RHOBTB1: variants seen among roughly 807,000 people sequenced by gnomAD.
RHOBTB1 encodes rho-related BTB domain-containing protein 1.
RHOBTB1 carries 40 observed loss-of-function variants against 71.6 expected under a neutral mutation model. The ratio of observed to expected loss-of-function variants is 0.56; its 90% CI spans 0.43 to 0.73. The LOEUF (loss-of-function observed/expected upper bound fraction) is 0.73. RHOBTB1 is among the 30% of genes least tolerant of loss of function. RHOBTB1 has a pLI of 0.00. For missense variants in RHOBTB1, 797 were observed against 894.0 expected (o/e 0.89, Z 1.38); for synonymous variants, 319 against 334.9 (o/e 0.95, Z 0.52).
At chr10:60,861,066 A>T in the RHOBTB1 span, among the ~76,000 whole-genome samples, 21 of 152,208 alleles carry the variant, frequency 1.4e-4, no homozygotes, top group African/African-American at 5.1e-4. Flanking sequence ...TATGATCACC[A>T]GGCTTCCCAA....
At chr10:60,924,577 T>C (rs748180516) in intron 2 of RHOBTB1, among the ~76,000 whole-genome samples, 1 of 152,096 alleles carries the variant, frequency 6.6e-6, no homozygotes, top group Non-Finnish European at 1.5e-5. Flanking sequence ...CCTTCAGCAT[T>C]GGAAAGATCA....
intron 2 of RHOBTB1, among the ~76,000 whole-genome samples, chr10:60,984,252 G>A (rs952039520): frequency 6.6e-6 from 1 of 151,998 alleles, no homozygotes; most frequent in African/African-American, 2.4e-5. Flanking sequence ...TTAAGTTAAC[G>A]GAAACATTAG....
chr10:60,875,067 G>C, intron 8 of RHOBTB1, 25 bp from the exon 9 acceptor site: 1 of 1,595,688 alleles, frequency 6.3e-7, no homozygotes, highest in Non-Finnish European at 8.6e-7. Flanking sequence ...GGGGGCAGGA[G>C]AACATTAAAC....
At chr10:60,971,101 A>G (rs1262689102) in intron 2 of RHOBTB1, among the ~76,000 whole-genome samples, 2 of 152,090 alleles carry the variant, frequency 1.3e-5, no homozygotes, top group South Asian at 4.1e-4. Context: ...ATTAATAATA[A>G]TAACATGAGC....
intron 7 of RHOBTB1, among the ~76,000 whole-genome samples, chr10:60,882,130 T>C (rs908915977): frequency 6.6e-6 from 1 of 151,734 alleles, no homozygotes; most frequent in African/African-American, 2.4e-5. Flanking sequence ...TTAAAAATAA[T>C]ATAAGCAAAG....
downstream of RHOBTB1, among the ~76,000 whole-genome samples, chr10:60,866,667 G>T (rs982643926): frequency 1.3e-5 from 2 of 152,082 alleles, no homozygotes; most frequent in African/African-American, 4.8e-5. Flanking sequence ...CAGCCCAGAA[G>T]TGGGCTGACT....
At chr10:60,997,085 AC>A (rs2087081480) in intron 1 of RHOBTB1, among the ~76,000 whole-genome samples, 1 of 151,938 alleles carries the variant, frequency 6.6e-6, no homozygotes, top group Admixed American at 6.6e-5. Flanking sequence ...ACACACACAC[AC>A]ACACACACAC....
At chr10:60,937,965 C>T (rs1014762387) in intron 2 of RHOBTB1, among the ~76,000 whole-genome samples, 1 of 152,062 alleles carries the variant, frequency 6.6e-6, no homozygotes, top group African/African-American at 2.4e-5. Context: ...GGATGCTGTT[C>T]CCATTTTACA....
intron 4 of RHOBTB1, among the ~76,000 whole-genome samples, chr10:60,906,720 A>G (rs759037657): frequency 5.9e-5 from 9 of 152,214 alleles, no homozygotes; most frequent in Non-Finnish European, 8.8e-5. Flanking sequence ...TGTAGTTGTT[A>G]TCACTGTCAG....
At chr10:60,976,579 T>G (rs919410169) in intron 2 of RHOBTB1, among the ~76,000 whole-genome samples, 2 of 152,012 alleles carry the variant, frequency 1.3e-5, no homozygotes, top group Middle Eastern at 3.2e-3. Flanking sequence ...GCCCCTTGTT[T>G]GTTTTAAAGA....
chr10:60,992,251 G>C (rs2086895142), intron 1 of RHOBTB1, among the ~76,000 whole-genome samples: 1 of 152,166 alleles, frequency 6.6e-6, no homozygotes. Context: ...GGGTGAATGG[G>C]AATAATAGGG....
chr10:60,897,754 T>G (rs2082226928), intron 4 of RHOBTB1, among the ~76,000 whole-genome samples: 2 of 152,204 alleles, frequency 1.3e-5, no homozygotes. Context: ...TTGCCCAGGC[T>G]GGAGTGAAGT....
chr10:60,880,048 A>C (rs1332976303), intron 7 of RHOBTB1, among the ~76,000 whole-genome samples: 2 of 152,152 alleles, frequency 1.3e-5, no homozygotes. Flanking sequence ...TAAAGTATAC[A>C]GGAGGATGTG....
rs532187105 is a variant in RHOBTB1 at position 60,884,847 on chromosome 10, G to A, written c.1575+1265C>T. Among the ~76,000 whole-genome samples, 31 of 152,238 alleles carry A rather than the reference G, an allele frequency of 2.0e-4. No individual in the cohort carries two copies. In the South Asian group the frequency reaches 6.2e-3, roughly 31 times the overall value. On this transcript the variant is annotated intron_variant, in intron 7 of 10. Coordinates refer to ENST00000337910, the MANE Select transcript of RHOBTB1 (RefSeq NM_014836.5). ...AGGCTGGGATTAGGGGGTGAATGGG[G>A]AAAGGAAAGCCATCTGTCAAATATA... is the stretch of plus-strand genomic sequence containing the variant.
rs2081984503 is a variant in RHOBTB1 at position 60,892,828 on chromosome 10, G to A, written c.464C>T (p.Ala155Val). The A allele has an allele frequency of 6.2e-7, 1 of 1,612,868 alleles. No individual in the cohort carries two copies. Among genetic ancestry groups the A allele is most frequent in the Non-Finnish European group, 8.5e-7 (1 of 1,179,644 alleles). ...RYADLEAVNR[A>V]RRPLARPIKR... is the part of the protein sequence containing the mutation. ...GGCTTACCTTGCTAACGGGCGCCTG[G>A]CTCGATTAACAGCTTCCAGGTCGGC... Residue 155 changes from alanine to valine, a missense_variant, in exon 5 of 11, where the codon GCC becomes GTC. Coordinates refer to ENST00000337910, the MANE Select transcript of RHOBTB1 (RefSeq NM_014836.5).
chr10:60,899,137 A>G (rs984697580), intron 4 of RHOBTB1, among the ~76,000 whole-genome samples: 2 of 152,220 alleles, frequency 1.3e-5, no homozygotes, highest in East Asian at 1.9e-4. Context: ...TACTCCCGTT[A>G]GTTTATTCTT....
chr10:60,902,355 C>T (rs2082451807), intron 4 of RHOBTB1, among the ~76,000 whole-genome samples: 1 of 152,152 alleles, frequency 6.6e-6, no homozygotes. Context: ...GATCACATAA[C>T]AGCAATAATC....
intron 2 of RHOBTB1, among the ~76,000 whole-genome samples, chr10:60,928,609 G>A (rs985421071): frequency 6.6e-6 from 1 of 152,096 alleles, no homozygotes; most frequent in Non-Finnish European, 1.5e-5. Context: ...TAGAATGGTG[G>A]TTAGCAGAGG....
At position 60,910,941 on chromosome 10, in the gene RHOBTB1, C is replaced by A; in HGVS notation, c.242G>T (p.Arg81Met). The A allele has an allele frequency of 6.2e-7, 1 of 1,614,112 alleles. No homozygotes were observed. The highest frequency in any genetic ancestry group is 8.5e-7 in the Non-Finnish European group (1 of 1,180,022). Residue 81 changes from arginine to methionine, a missense_variant, in exon 4 of 11, where the codon AGG becomes ATG. Arg to Met is a moderately conservative substitution (Grantham distance 91, BLOSUM62 -1). This residue lies in a region of RHOBTB1 where 139 missense variants were observed against 212.5 expected (regional missense o/e 0.65). Coordinates refer to ENST00000337910, the MANE Select transcript of RHOBTB1 (RefSeq NM_014836.5). ...DVVDEVSVSL[R>M]LWDTFGDHHK... ...ATGATCACCAAAAGTATCCCAAAGCCTGAGAGAAACACTCACTTCATCAAC... is the reference window on the plus strand; with the variant it reads ...ATGATCACCAAAAGTATCCCAAAGCATGAGAGAAACACTCACTTCATCAAC...
Sources: allele counts gnomAD v4.1 joint callset (sites outside exome capture counted in the v4.1 genomes callset), GRCh38; gene constraint gnomAD v4.1.1; regional missense constraint gnomAD v4.1.1; transcripts MANE v1.5; gene names NCBI Gene and HGNC (gene_info 2026-07-23, HGNC 2026-07-21).